TTYH2: variants seen among roughly 807,000 people sequenced by gnomAD.
TTYH2 encodes the protein tweety family member 2.
Under a neutral mutation model 68.3 loss-of-function variants are expected in TTYH2, and 49 were observed. That is an observed-to-expected ratio of 0.72 (90% CI 0.57 to 0.91). The LOEUF (loss-of-function observed/expected upper bound fraction) is 0.91. Ranked by LOEUF, TTYH2 falls within the 40% of genes least tolerant of loss-of-function variation. The pLI is 0.00. For missense variants in TTYH2, 631 were observed against 700.4 expected, an observed-to-expected ratio of 0.90 and a Z score of 1.12; for synonymous variants, 272 against 300.8, an observed-to-expected ratio of 0.90 and a Z score of 0.99.
intron 10 of TTYH2, among the ~76,000 whole-genome samples, chr17:74,251,320 A>G (rs2050625087): frequency 7.4e-6 from 1 of 134,418 alleles, no homozygotes. Context: ...TTGTGTGCAC[A>G]TGTGTGCACA....
intron 12 of TTYH2, among the ~76,000 whole-genome samples, chr17:74,253,507 T>C (rs9907695): frequency 0.42 from 63,349 of 152,056 alleles, 13,875 homozygotes; most frequent in African/African-American, 0.53. Flanking sequence ...GGGACAGGTC[T>C]CAGGCCCAAA....
intron 3 of TTYH2, among the ~76,000 whole-genome samples, chr17:74,235,369 G>GC (rs2050432340): frequency 6.6e-6 from 1 of 152,198 alleles, no homozygotes; most frequent in African/African-American, 2.4e-5. Context: ...AGTGCACACT[G>GC]CCCCACTCCC....
chr17:74,243,405 G>A lies in TTYH2; in HGVS notation c.667G>A (p.Asp223Asn). 1 of 1,614,148 alleles carries A rather than the reference G, an allele frequency of 6.2e-7. No homozygotes were observed. The highest frequency in any genetic ancestry group is 8.5e-7 in the Non-Finnish European group (1 of 1,180,024). Residue 223 changes from aspartate to asparagine, a missense_variant, in exon 5 of 14, where the codon GAC becomes AAC. By Grantham distance (23) the Asp-to-Asn change is conservative (BLOSUM62 1). Transcript: ENST00000269346. The stretch of plus-strand genomic sequence containing the variant: ...CTCCTACCTCCTGCTCTTTATCCTG[G>A]ACCTGGTCATCTGCCTCATTGCCTG... ...WLSYLLLFIL[D>N]LVICLIACLG...
intron 6 of TTYH2, among the ~76,000 whole-genome samples, chr17:74,247,336 G>C (rs1011654386): frequency 2.0e-5 from 3 of 152,056 alleles, no homozygotes; most frequent in Non-Finnish European, 4.4e-5. Flanking sequence ...GGACCATTTC[G>C]ACATGCACAC....
intron 3 of TTYH2, among the ~76,000 whole-genome samples, chr17:74,235,101 C>A (rs550831928): frequency 6.6e-6 from 1 of 152,134 alleles, no homozygotes; most frequent in African/African-American, 2.4e-5. Context: ...CGGAACAAGC[C>A]GCTGACACTG....
At chr17:74,244,522 TC>T (rs1318301194) in intron 6 of TTYH2, among the ~76,000 whole-genome samples, 1 of 151,984 alleles carries the variant, frequency 6.6e-6, no homozygotes, top group African/African-American at 2.4e-5. Context: ...TTGCCTTCCA[TC>T]CCAATGTCCC....
Position 74,260,123 on chromosome 17 carries a change from T to C in TTYH2, c.1525-6T>C, listed in dbSNP as rs766152048. The stretch of plus-strand genomic sequence containing the variant: ...TCTGACCATCCCCTCTCTTCTCTCT[T>C]GGCAGTACTCTCCCAGCATGAGAGC... On this transcript the variant is annotated splice_region_variant and splice_polypyrimidine_tract_variant and intron_variant, in intron 13 of 13. Coordinates refer to ENST00000269346, the MANE Select transcript of TTYH2 (RefSeq NM_032646.6). 3.1e-6 allele frequency: 5 copies of C among 1,613,442 alleles called. No individual in the cohort carries two copies. The South Asian group carries it at 4.4e-5, about 14-fold the overall frequency.
chr17:74,236,956 G>A (rs1487840658), intron 3 of TTYH2, among the ~76,000 whole-genome samples: 2 of 150,644 alleles, frequency 1.3e-5, no homozygotes, highest in Non-Finnish European at 2.9e-5. Flanking sequence ...GAGTGCAATG[G>A]TGCGATCTTG....
Position 74,235,261 on chromosome 17 carries a change from C to T in TTYH2, c.415-2033C>T, listed in dbSNP as rs115048307. On this transcript the variant is annotated intron_variant, in intron 3 of 13. Coordinates refer to ENST00000269346, the MANE Select transcript of TTYH2 (RefSeq NM_032646.6). ...TTGGCCTCCGAGAGTGGAATCTAAT[C>T]GGCCTTGCTGATCTCACTGTGGGAA... Among the ~76,000 whole-genome samples the T allele has an allele frequency of 1.2e-3, 178 of 152,316 alleles. 1 individual carries two copies. The highest frequency in any genetic ancestry group is 4.1e-3 in the African/African-American group (171 of 41,574).
intron 2 of TTYH2, among the ~76,000 whole-genome samples, chr17:74,223,829 C>CA (rs780754438): frequency 1.3e-5 from 2 of 152,194 alleles, no homozygotes; most frequent in Non-Finnish European, 2.9e-5. Context: ...CATACCCAGG[C>CA]AGCTCACCTT....
At chr17:74,252,748 T>C (rs2050647252) in intron 11 of TTYH2, among the ~76,000 whole-genome samples, 1 of 152,174 alleles carries the variant, frequency 6.6e-6, no homozygotes, top group African/African-American at 2.4e-5. Context: ...GGTCACTGTT[T>C]TCAGGGAGCC....
In TTYH2 at chr17:74,253,877, G is replaced by A. The variant is rs1346161284; in HGVS notation, c.1524+44G>A. Reference sequence around the variant, plus strand: ...CTTCCTTGTTGGGGTAATACATAAAGACAAAACCTCCTGCCAACCCAGTGA... The same window carrying A: ...CTTCCTTGTTGGGGTAATACATAAAAACAAAACCTCCTGCCAACCCAGTGA... On this transcript the variant is annotated intron_variant, in intron 13 of 13. Coordinates refer to ENST00000269346, the MANE Select transcript of TTYH2 (RefSeq NM_032646.6). The A allele has an allele frequency of 1.9e-6, 3 of 1,594,018 alleles. No homozygotes were observed. In the African/African-American group the frequency reaches 4.0e-5, roughly 21 times the overall value.
rs539719388 is a variant in TTYH2 at position 74,249,790 on chromosome 17, C to T, written c.931-146C>T. 80 of 865,206 alleles carry T rather than the reference C, an allele frequency of 9.2e-5. No homozygotes were observed. The African/African-American group carries it at 1.2e-3, about 13-fold the overall frequency. 53.6% of individuals were successfully genotyped at this position (865,206 alleles called of 1,614,324 possible). A position where few individuals can be genotyped will look rare whatever the true frequency, so the allele number is the denominator to read the frequency against. On this transcript the variant is annotated intron_variant, in intron 8 of 13. Coordinates refer to ENST00000269346, the MANE Select transcript of TTYH2 (RefSeq NM_032646.6). ...GGGAGACTTCCTGCAAGTGGAGGGG[C>T]CTGTGCAGCTGCAGCCAGGTGGGGG...
At chr17:74,249,431 C>G (rs2050595460) in intron 8 of TTYH2, 32 bp downstream of exon 8, 2 of 1,609,912 alleles carry the variant, frequency 1.2e-6, no homozygotes, top group Admixed American at 1.7e-5. Flanking sequence ...CCTCACCCTG[C>G]CCACAGCCGC....
rs1312606898 is a variant in TTYH2, at chr17:74,239,655, G to A, written c.635+2141G>A. ...TCCCCACACCTTGCCTCCCCAGCCC[G>A]TCCAGTCCCTGCATCTCCGCCATGT... On this transcript the variant is annotated intron_variant, in intron 4 of 13. Coordinates refer to ENST00000269346, the MANE Select transcript of TTYH2 (RefSeq NM_032646.6). This position sits in a 1 kb window ranked among gnomAD's most constrained non-coding sequence, Gnocchi z 5.3. Among the ~76,000 whole-genome samples the A allele has an allele frequency of 2.6e-5, 4 of 152,044 alleles. No individual in the cohort carries two copies. The East Asian group carries it at 7.7e-4, about 29-fold the overall frequency.
chr17:74,223,677 A>G (rs2050301550), intron 2 of TTYH2, among the ~76,000 whole-genome samples: 1 of 151,854 alleles, frequency 6.6e-6, no homozygotes, highest in East Asian at 1.9e-4. Flanking sequence ...ATCTATAATG[A>G]TTTTTCCAAA....
Position 74,243,362 on chromosome 17 carries a change from C to A in TTYH2, c.636-12C>A. On this transcript the variant is annotated splice_polypyrimidine_tract_variant and intron_variant, in intron 4 of 13. Transcript: ENST00000269346. ...CCCTGCTGCTCCTGACCATCCCTGCCCCTCTACCCAGGTGGCTCTCCTACC... is the reference window on the plus strand; with the variant it reads ...CCCTGCTGCTCCTGACCATCCCTGCACCTCTACCCAGGTGGCTCTCCTACC... The A allele has an allele frequency of 6.2e-7, 1 of 1,611,904 alleles. No individual in the cohort carries two copies. The highest frequency in any genetic ancestry group is 8.5e-7 in the Non-Finnish European group (1 of 1,177,984).
chr17:74,250,759 C>A, intron 10 of TTYH2: 1 of 161,038 alleles, frequency 6.2e-6, no homozygotes, highest in Admixed American at 6.2e-5. Flanking sequence ...CAGACAGACA[C>A]AATGATGCAG....
chr17:74,259,307 T>A (rs1227893394), intron 13 of TTYH2, among the ~76,000 whole-genome samples: 2 of 152,090 alleles, frequency 1.3e-5, no homozygotes, highest in Non-Finnish European at 2.9e-5. Context: ...CCTCTTGGGC[T>A]CAAGTACCTT....
Sources: gnomAD v4.1 joint callset for allele counts (sites outside exome capture counted in the v4.1 genomes callset) on GRCh38, gnomAD v4.1.1 for gene constraint, Gnocchi (gnomAD v3.1) non-coding constraint, MANE v1.5 for transcripts, NCBI Gene and HGNC (gene_info 2026-07-23, HGNC 2026-07-21) for gene names.